SLC26A3: variants seen among roughly 807,000 people sequenced by gnomAD.
The protein encoded by SLC26A3 is solute carrier family 26 member 3, also known as chloride anion exchanger.
SLC26A3 carries 64 observed loss-of-function variants against 85.6 expected under a neutral mutation model. The observed-to-expected ratio is 0.75, with a 90% confidence interval of 0.61 to 0.92. The LOEUF (loss-of-function observed/expected upper bound fraction) is 0.92. SLC26A3 is among the 40% of genes least tolerant of loss of function. The probability of loss-of-function intolerance (pLI) is 0.00; values close to 1 mark genes in which losing one functional copy is unlikely to be tolerated. For synonymous variants in SLC26A3, 349 were observed against 336.0 expected (o/e 1.04, Z -0.42); for missense variants, 922 against 927.3 (o/e 0.99, Z 0.07).
At position 107,769,972 on chromosome 7, in the gene SLC26A3, C is replaced by A. The variant is rs144740424; in HGVS notation, c.2063-2064G>T. Among the ~76,000 whole-genome samples the A allele has an allele frequency of 5.3e-3, 789 of 148,456 alleles. 6 individuals are homozygous for A. The highest frequency in any genetic ancestry group is 0.018 in the African/African-American group (735 of 40,574). ...GATCACCAGTTTTTCTTTCTGCCTC[C>A]CTCCCTCCCTTCCTTCCTTCCTTTT... is the stretch of plus-strand genomic sequence containing the variant. On this transcript the variant is annotated intron_variant, in intron 18 of 20. Coordinates refer to ENST00000340010, the MANE Select transcript of SLC26A3 (RefSeq NM_000111.3).
intron 4 of SLC26A3, 103 bp from the exon 5 acceptor site, chr7:107,791,338 G>A (rs1047551943): frequency 9.3e-5 from 120 of 1,285,634 alleles, no homozygotes; most frequent in Non-Finnish European, 1.0e-4. Context: ...AAGGCTGGGC[G>A]TGGTGGCTCA....
At chr7:107,785,177 A>G (rs1163049854) in intron 8 of SLC26A3, among the ~76,000 whole-genome samples, 2 of 152,242 alleles carry the variant, frequency 1.3e-5, no homozygotes, top group African/African-American at 2.4e-5. Flanking sequence ...AGCATGTTAC[A>G]TGTATTAACT....
At chr7:107,769,299 TC>T (rs1425364249) in intron 18 of SLC26A3, among the ~76,000 whole-genome samples, 5 of 152,158 alleles carry the variant, frequency 3.3e-5, no homozygotes, top group African/African-American at 1.2e-4. Context: ...GCTGCACTAT[TC>T]ACAATAGCAA....
chr7:107,773,385 C>T (rs1007250032), intron 17 of SLC26A3, among the ~76,000 whole-genome samples: 5 of 152,170 alleles, frequency 3.3e-5, no homozygotes, highest in Admixed American at 6.5e-5. Context: ...ATTCAGCATA[C>T]GTTAGAACTG....
chr7:107,803,135 T>A lies in SLC26A3; in HGVS notation c.-113A>T, dbSNP rs574634462. 1 of 152,468 alleles carries A rather than the reference T, an allele frequency of 6.6e-6. No homozygotes were observed. Among genetic ancestry groups the A allele is most frequent in the East Asian group, 1.9e-4 (1 of 5,328 alleles). The allele number at this position is 152,468 out of a possible 1,614,324, so 9.4% of individuals were successfully genotyped here. On this transcript the variant is annotated 5_prime_UTR_variant, in exon 1 of 21. Transcript: ENST00000340010. ...CCTGACACATACTCTGTGAGGAGCT[T>A]CTGCAACAGTGGTACATTTTCAAGA... is the stretch of plus-strand genomic sequence containing the variant.
intron 20 of SLC26A3, among the ~76,000 whole-genome samples, 188 bp downstream of exon 20, chr7:107,767,391 G>T (rs1166528233): frequency 2.6e-5 from 4 of 152,158 alleles, no homozygotes; most frequent in Non-Finnish European, 5.9e-5. Flanking sequence ...TTTTGTACGG[G>T]TCTGAGTTTC....
Position 107,793,970 on chromosome 7 carries a change from A to T in SLC26A3, c.132-89T>A, listed in dbSNP as rs1584412941. ...GTGGGAAATTGGTAAAGATGGTAAT[A>T]TGCTAAAGATTAAACTAGTAATTTC... On this transcript the variant is annotated intron_variant, in intron 2 of 20. Coordinates refer to ENST00000340010, the MANE Select transcript of SLC26A3 (RefSeq NM_000111.3). 1.0e-4 allele frequency: 159 copies of T among 1,522,120 alleles called. 3 individuals are homozygous for T. In the South Asian group the frequency reaches 1.8e-3, roughly 17 times the overall value. The allele number at this position is 1,522,120 out of a possible 1,614,324, so 94.3% of individuals were successfully genotyped here. A position where few individuals can be genotyped will look rare whatever the true frequency, so the allele number is the denominator to read the frequency against.
rs1794626377 is a variant in SLC26A3 at position 107,803,191 on chromosome 7, G to A, written c.-169C>T. 1.3e-5 allele frequency: 2 copies of A among 152,450 alleles called. No individual in the cohort carries two copies. Among genetic ancestry groups the A allele is most frequent in the Non-Finnish European group, 2.9e-5 (2 of 68,036 alleles). The allele number at this position is 152,450 out of a possible 1,614,324, so 9.4% of individuals were successfully genotyped here. ...TTCTAAGTTCTAGTTCTAAGAGGCAGTGTCCATCCACTCAGGTCTACAGGC... is the reference window on the plus strand; with the variant it reads ...TTCTAAGTTCTAGTTCTAAGAGGCAATGTCCATCCACTCAGGTCTACAGGC... On this transcript the variant is annotated 5_prime_UTR_variant, in exon 1 of 21. Transcript: ENST00000340010.
chr7:107,770,596 C>G (rs928822593), intron 18 of SLC26A3, among the ~76,000 whole-genome samples: 3 of 152,114 alleles, frequency 2.0e-5, no homozygotes, highest in Non-Finnish European at 4.4e-5. Context: ...GCACTTATCA[C>G]TACCTGAAAT....
chr7:107,778,104 G>T, intron 13 of SLC26A3, 71 bp downstream of exon 13: 1 of 1,006,302 alleles, frequency 9.9e-7, no homozygotes, highest in Non-Finnish European at 1.6e-6. Context: ...TTTAGCCAGT[G>T]ACATTTTTTT....
intron 1 of SLC26A3, among the ~76,000 whole-genome samples, chr7:107,796,454 A>G (rs1007498830): frequency 6.6e-6 from 1 of 151,596 alleles, no homozygotes; most frequent in African/African-American, 2.4e-5. Flanking sequence ...CTCCCCTGCC[A>G]CTCCCAAGTG....
At chr7:107,784,650 T>A (rs71566740) in intron 8 of SLC26A3, among the ~76,000 whole-genome samples, 3,876 of 152,276 alleles carry the variant, frequency 0.025, 83 homozygotes, top group Non-Finnish European at 0.039. Context: ...CAGGATGGTC[T>A]CGAACTCCTG....
chr7:107,790,990 T>C, intron 5 of SLC26A3, 58 bp downstream of exon 5: 1 of 1,555,100 alleles, frequency 6.4e-7, no homozygotes, highest in Non-Finnish European at 8.8e-7. Context: ...AATAGAGAGA[T>C]GTGTAACAGT....
chr7:107,766,145 T>G (rs779296625), intron 20 of SLC26A3, among the ~76,000 whole-genome samples: 3 of 152,214 alleles, frequency 2.0e-5, no homozygotes, highest in Non-Finnish European at 4.4e-5. Flanking sequence ...CTATGTGTGT[T>G]GGCCTGGTAT....
At chr7:107,797,056 A>G (rs1363420948) in intron 1 of SLC26A3, among the ~76,000 whole-genome samples, 2 of 152,092 alleles carry the variant, frequency 1.3e-5, no homozygotes, top group Non-Finnish European at 2.9e-5. Flanking sequence ...GAGGATGGCT[A>G]TGGCTGTCTC....
chr7:107,770,038 C>CTTTCTT (rs1554377143), intron 18 of SLC26A3, among the ~76,000 whole-genome samples: 9 of 76,360 alleles, frequency 1.2e-4, no homozygotes, highest in Admixed American at 4.1e-4. Flanking sequence ...TTCTTTCTTT[C>CTTTCTT]TTTCTTTCTT....
chr7:107,787,374 G>C lies in SLC26A3; in HGVS notation c.871C>G (p.Pro291Ala), dbSNP rs774937187. The C allele has an allele frequency of 6.2e-7, 1 of 1,614,034 alleles. No individual in the cohort carries two copies. The highest frequency in any genetic ancestry group is 8.5e-7 in the Non-Finnish European group (1 of 1,179,968). The change falls in exon 7 of 21, where the codon CCA becomes GCA. Residue 291 changes from proline to alanine, a missense_variant. Transcript: ENST00000340010. ...TCAATTACCATAATGAATTCGATTGGAATGGGCACTGGAAGTTTGTCTTTG... is the reference window on the plus strand; with the variant it reads ...TCAATTACCATAATGAATTCGATTGCAATGGGCACTGGAAGTTTGTCTTTG... The part of the protein sequence containing the change: ...RFKDKLPVPI[P>A]IEFIMTVIAA...
chr7:107,790,426 A>C (rs1041928056), intron 5 of SLC26A3, among the ~76,000 whole-genome samples: 4 of 152,238 alleles, frequency 2.6e-5, no homozygotes, highest in Non-Finnish European at 5.9e-5. Flanking sequence ...TCCTTGTAGA[A>C]ACTGACTTTT....
At chr7:107,793,210 C>A (rs6961051) in intron 3 of SLC26A3, among the ~76,000 whole-genome samples, 33,332 of 152,114 alleles carry the variant, frequency 0.22, 3,935 homozygotes, top group South Asian at 0.28. Flanking sequence ...TAGAGTTACC[C>A]TATGATCCAG....
Sources: allele counts gnomAD v4.1 joint callset (sites outside exome capture counted in the v4.1 genomes callset), GRCh38; gene constraint gnomAD v4.1.1; transcripts MANE v1.5; gene names NCBI Gene and HGNC (gene_info 2026-07-23, HGNC 2026-07-21).